Variants in CCDC158 observed in about 807,000 individuals in gnomAD.
The protein encoded by CCDC158 is coiled-coil domain containing 158, also known as coiled-coil domain-containing protein 158.
A neutral mutation model predicts 138.6 loss-of-function variants in CCDC158; 116 were observed. The ratio of observed to expected loss-of-function variants is 0.84; its 90% CI spans 0.72 to 0.98. CCDC158 has a LOEUF of 0.98. CCDC158 is among the 50% of genes least tolerant of loss of function. CCDC158 has a pLI of 0.00. For missense variants in CCDC158, 1,265 were observed against 1,306.1 expected (o/e 0.97, Z 0.48); for synonymous variants, 436 against 442.4 (o/e 0.99, Z 0.18).
chr4:76,336,600 A>C (rs1721535250), intron 18 of CCDC158, among the ~76,000 whole-genome samples: 1 of 152,226 alleles, frequency 6.6e-6, no homozygotes, highest in Non-Finnish European at 1.5e-5. Context: ...AATCTTTTAA[A>C]GAAAAGCTTC....
chr4:76,351,401 T>A (rs1004509396), intron 17 of CCDC158, among the ~76,000 whole-genome samples: 1 of 152,234 alleles, frequency 6.6e-6, no homozygotes, highest in African/African-American at 2.4e-5. Flanking sequence ...GCTTGACTCC[T>A]GAGCATGGAA....
At chr4:76,417,520 G>C (rs1372339159) in intron 1 of CCDC158, among the ~76,000 whole-genome samples, 1 of 152,128 alleles carries the variant, frequency 6.6e-6, no homozygotes, top group Non-Finnish European at 1.5e-5. Context: ...AACTTGAACT[G>C]TATATCCCAG....
chr4:76,384,399 A>G lies in CCDC158; in HGVS notation c.415T>C (p.Ser139Pro). The G allele has an allele frequency of 1.2e-6, 2 of 1,612,388 alleles. No homozygotes were observed. The highest frequency in any genetic ancestry group is 1.7e-6 in the Non-Finnish European group (2 of 1,178,740). The change falls in exon 6 of 25, where the codon TCC becomes CCC. Residue 139 changes from serine to proline, a missense_variant. Coordinates refer to ENST00000682701, the MANE Select transcript of CCDC158 (RefSeq NM_001394954.1). ...AGCTGATTTCTTAAATCCTCCTGGG[A>G]CTGACTCTCCCTTCGTCTATGAAAT... ...MADIRRRESQ[S>P]QEDLRNQLQN...
At chr4:76,324,007 A>G (rs750658775) in intron 23 of CCDC158, among the ~76,000 whole-genome samples, 5 of 152,196 alleles carry the variant, frequency 3.3e-5, no homozygotes, top group Non-Finnish European at 7.3e-5. Flanking sequence ...GTCAACCTCT[A>G]AAAGTACTTA....
Position 76,321,304 on chromosome 4 carries a change from AG to A in CCDC158, c.3277+1997del, listed in dbSNP as rs1490359055. Among the ~76,000 whole-genome samples the A allele has an allele frequency of 2.0e-5, 3 of 152,242 alleles. No individual in the cohort carries two copies. The East Asian group carries it at 5.8e-4, about 29-fold the overall frequency. The stretch of plus-strand genomic sequence containing the variant: ...AGATGTTGGTGTGGATGTGGTAAAA[AG>A]GGAACACTTTTACACTGTAAACTAG... On this transcript the variant is annotated intron_variant, in intron 24 of 24. Transcript: ENST00000682701.
Position 76,384,358 on chromosome 4 carries a change from A to G in CCDC158, c.456T>C (p.His152=). 6.2e-7 allele frequency: 1 copy of G among 1,614,142 alleles called. No homozygotes were observed. Among genetic ancestry groups the G allele is most frequent in the Middle Eastern group, 1.6e-4 (1 of 6,062 alleles). ...TAAGGCATTTGGCAGCTTCAAGTTC[A>G]TGAACTGTATTTTGAAGCTGATTTC... The part of the protein sequence containing the change: ...DLRNQLQNTV[H]ELEAAKCLKE... The change falls in exon 6 of 25, where the codon CAT becomes CAC. Residue 152 remains histidine, a synonymous_variant. Transcript: ENST00000682701.
chr4:76,378,552 C>T (rs2136049), intron 9 of CCDC158, among the ~76,000 whole-genome samples: 39,381 of 151,994 alleles, frequency 0.26, 6,223 homozygotes, highest in East Asian at 0.7. Flanking sequence ...ACTGGGCTAG[C>T]GGGTGTAAAC....
rs923170692 is a variant in CCDC158, at chr4:76,357,376, T to C, written c.2171A>G (p.His724Arg). The change falls in exon 14 of 25, where the codon CAT (histidine) becomes CGT (arginine). Residue 724 changes from histidine (H) to arginine (R), a missense_variant and splice_region_variant. His to Arg is a conservative substitution (Grantham distance 29, BLOSUM62 0). Transcript: ENST00000682701. Reference sequence around the variant, plus strand: ...ATTTTAAATCTAACAGAGCATACCATGACCATCAGATCCTTCCATTGACTT... The same window carrying C: ...ATTTTAAATCTAACAGAGCATACCACGACCATCAGATCCTTCCATTGACTT... ...TLKSMEGSDGHAMKVAMGMQK... is the reference protein window; with the variant it reads ...TLKSMEGSDGRAMKVAMGMQK... 3.9e-6 allele frequency: 6 copies of C among 1,534,306 alleles called. No individual in the cohort carries two copies. The highest frequency in any genetic ancestry group is 1.7e-4 in the Middle Eastern group (1 of 5,804).
chr4:76,381,159 G>A (rs1405161812), intron 8 of CCDC158, among the ~76,000 whole-genome samples: 1 of 152,220 alleles, frequency 6.6e-6, no homozygotes, highest in Non-Finnish European at 1.5e-5. Flanking sequence ...CCCACACAGA[G>A]TCCCCACTGG....
Position 76,379,406 on chromosome 4 carries a change from TAAG to T in CCDC158, c.915-5_915-3del. The T allele has an allele frequency of 6.3e-7, 1 of 1,578,944 alleles. No homozygotes were observed. The highest frequency in any genetic ancestry group is 8.6e-7 in the Non-Finnish European group (1 of 1,161,380). On this transcript the variant is annotated splice_region_variant and splice_polypyrimidine_tract_variant and intron_variant, in intron 8 of 24. Transcript: ENST00000682701. ...GAGTTTTGGTTTCTTGCTTGCTCTC[TAAG>T]AAGAGTTTAGAAGGGGAATAAGTGC...
intron 12 of CCDC158, among the ~76,000 whole-genome samples, chr4:76,365,279 C>T (rs1724545328): frequency 1.3e-5 from 2 of 152,102 alleles, no homozygotes; most frequent in Non-Finnish European, 2.9e-5. Flanking sequence ...GCTATGATTC[C>T]CCCACCTTTT....
chr4:76,362,069 T>G (rs1211850820), intron 13 of CCDC158, 57 bp downstream of exon 13: 1 of 1,459,696 alleles, frequency 6.9e-7, no homozygotes, highest in Non-Finnish European at 9.5e-7. Flanking sequence ...AGGGTCTACA[T>G]TGGCTTCACT....
chr4:76,336,135 T>C (rs1158857549), intron 18 of CCDC158, among the ~76,000 whole-genome samples: 1 of 132,556 alleles, frequency 7.5e-6, no homozygotes, highest in Admixed American at 9.2e-5. Flanking sequence ...TGAGCCGAGA[T>C]TGTGCCATTG....
Position 76,334,319 on chromosome 4 carries a change from T to A in CCDC158, c.2665-152A>T, listed in dbSNP as rs1578889234. 4.7e-6 allele frequency: 3 copies of A among 636,850 alleles called. No individual in the cohort carries two copies. In the East Asian group the frequency reaches 8.3e-5, roughly 18 times the overall value. 39.4% of individuals were successfully genotyped at this position (636,850 alleles called of 1,614,324 possible). On this transcript the variant is annotated intron_variant, in intron 18 of 24. Coordinates refer to ENST00000682701, the MANE Select transcript of CCDC158 (RefSeq NM_001394954.1). ...CCACAAGCTTATTACACAGAGATAA[T>A]CAATAATAACCAGGAAATAATCAAT...
At chr4:76,333,215 G>A (rs1721160656) in intron 19 of CCDC158, among the ~76,000 whole-genome samples, 1 of 152,012 alleles carries the variant, frequency 6.6e-6, no homozygotes, top group Non-Finnish European at 1.5e-5. Flanking sequence ...AGGTAAATAC[G>A]AATTGGACAT....
At chr4:76,401,749 G>C (rs1236819372) in intron 3 of CCDC158, among the ~76,000 whole-genome samples, 1 of 152,190 alleles carries the variant, frequency 6.6e-6, no homozygotes, top group African/African-American at 2.4e-5. Flanking sequence ...AAAGCTGTAA[G>C]TCTAAGATCT....
intron 21 of CCDC158, among the ~76,000 whole-genome samples, chr4:76,330,299 G>C (rs1412621395): frequency 6.6e-6 from 1 of 152,156 alleles, no homozygotes; most frequent in Admixed American, 6.5e-5. Context: ...TATGCAATCT[G>C]AGTCTTCATT....
rs376849991 is a variant in CCDC158 at position 76,369,431 on chromosome 4, G to C, written c.1342C>G (p.Arg448Gly). 6.2e-7 allele frequency: 1 copy of C among 1,613,914 alleles called. No homozygotes were observed. The highest frequency in any genetic ancestry group is 1.7e-5 in the Admixed American group (1 of 60,020). ...CAGCCTGTGCAGGCACTGACCTGCCGCTCCATCTGGCCCTGACACTCGCTC... is the reference window on the plus strand; with the variant it reads ...CAGCCTGTGCAGGCACTGACCTGCCCCTCCATCTGGCCCTGACACTCGCTC... Reference protein sequence around the residue: ...LKSECQGQMERQMAAIQGKNE... With the variant: ...LKSECQGQMEGQMAAIQGKNE... The change falls in exon 11 of 25, where the codon CGG becomes GGG. Residue 448 changes from arginine to glycine, a missense_variant. Coordinates refer to ENST00000682701, the MANE Select transcript of CCDC158 (RefSeq NM_001394954.1).
chr4:76,370,138 T>C (rs1725095549), intron 10 of CCDC158, among the ~76,000 whole-genome samples: 1 of 152,156 alleles, frequency 6.6e-6, no homozygotes, highest in Admixed American at 6.5e-5. Flanking sequence ...GAGCAAAAAC[T>C]CTAGTCAGAC....
Sources: gnomAD v4.1 joint callset for allele counts (sites outside exome capture counted in the v4.1 genomes callset) on GRCh38, gnomAD v4.1.1 for gene constraint, MANE v1.5 for transcripts, NCBI Gene and HGNC (gene_info 2026-07-23, HGNC 2026-07-21) for gene names.